CCDC192: variants seen among roughly 807,000 people sequenced by gnomAD.
CCDC192 encodes the protein coiled-coil domain containing 192, also known as coiled-coil domain-containing protein 192.
chr5:127,714,667 G>A (rs1282709386), intron 2 of CCDC192, among the ~76,000 whole-genome samples: 5 of 152,202 alleles, frequency 3.3e-5, no homozygotes, highest in African/African-American at 1.2e-4. Context: ...ACTACGCCTG[G>A]CCAGTAGTTC....
chr5:127,931,222 A>G (rs1754021820), intron 6 of CCDC192, among the ~76,000 whole-genome samples: 1 of 152,128 alleles, frequency 6.6e-6, no homozygotes, highest in Non-Finnish European at 1.5e-5. Context: ...ACCCCTACCC[A>G]TAGGAAGGAA....
intron 5 of CCDC192, among the ~76,000 whole-genome samples, chr5:127,821,870 A>T (rs1453610914): frequency 1.3e-5 from 2 of 152,222 alleles, no homozygotes; most frequent in Non-Finnish European, 2.9e-5. Flanking sequence ...ACATCCAGCC[A>T]ACTATGAATC....
chr5:127,739,262 C>G (rs1423187614), intron 2 of CCDC192, among the ~76,000 whole-genome samples: 1 of 152,098 alleles, frequency 6.6e-6, no homozygotes, highest in East Asian at 1.9e-4. Flanking sequence ...GGTCAGGGAC[C>G]CACTTGAGGA....
At chr5:127,900,134 AC>A (rs1216336950) in intron 6 of CCDC192, among the ~76,000 whole-genome samples, 3 of 152,200 alleles carry the variant, frequency 2.0e-5, no homozygotes, top group African/African-American at 7.2e-5. Flanking sequence ...AGCTTTGCTA[AC>A]CCTAGTATTT....
At chr5:127,868,403 T>C (rs1356015167) in intron 5 of CCDC192, among the ~76,000 whole-genome samples, 1 of 152,236 alleles carries the variant, frequency 6.6e-6, no homozygotes, top group Non-Finnish European at 1.5e-5. Context: ...TTTCTCTGTT[T>C]CTACTTCTCC....
chr5:127,773,099 T>C (rs941595526), intron 3 of CCDC192, among the ~76,000 whole-genome samples: 2 of 152,154 alleles, frequency 1.3e-5, no homozygotes, highest in African/African-American at 4.8e-5. Context: ...GAGAAAAATA[T>C]AGTGCTATTT....
At chr5:127,729,932 A>G (rs1395807115) in intron 2 of CCDC192, among the ~76,000 whole-genome samples, 1 of 152,196 alleles carries the variant, frequency 6.6e-6, no homozygotes, top group Admixed American at 6.5e-5. Context: ...AAAGATCTCA[A>G]ATCGACATCG....
intron 1 of CCDC192, 78 bp downstream of exon 1, chr5:127,703,585 A>G: frequency 2.5e-6 from 1 of 395,500 alleles, no homozygotes; most frequent in Non-Finnish European, 4.5e-6. Flanking sequence ...AGTACTTAAA[A>G]AAAAATCTTT....
rs1223496970 is a variant in CCDC192, at chr5:127,781,576, C to CTTTTTTTTT, written c.223-15519_223-15511dup. Among the ~76,000 whole-genome samples the CTTTTTTTTT allele has an allele frequency of 7.2e-5, 9 of 124,168 alleles. 1 individual carries two copies. The highest frequency in any genetic ancestry group is 5.3e-5 in the Non-Finnish European group (3 of 57,100). 81.5% of individuals were successfully genotyped at this position (124,168 alleles called of 152,430 possible). A position where few individuals can be genotyped will look rare whatever the true frequency, so the allele number is the denominator to read the frequency against. On this transcript the variant is annotated intron_variant, in intron 3 of 6. Transcript: ENST00000514853. ...TGGTTATGTATATTCCTAAGTATTC[C>CTTTTTTTTT]TTTTTTTTTTTTTTTTGCAGCTATG...
intron 2 of CCDC192, among the ~76,000 whole-genome samples, chr5:127,713,374 T>G (rs1201848880): frequency 1.3e-4 from 20 of 152,374 alleles, no homozygotes; most frequent in Non-Finnish European, 2.5e-4. Flanking sequence ...TTTAGTGAAG[T>G]ATTTATTCAA....
At chr5:127,810,313 T>C (rs918607141) in intron 5 of CCDC192, among the ~76,000 whole-genome samples, 2 of 152,184 alleles carry the variant, frequency 1.3e-5, no homozygotes, top group Non-Finnish European at 2.9e-5. Context: ...GCATGTAGGA[T>C]CCAAGGTCAT....
chr5:127,927,318 T>C lies in CCDC192; in HGVS notation c.536-13864T>C, dbSNP rs1179683134. Among the ~76,000 whole-genome samples the C allele has an allele frequency of 2.6e-5, 4 of 152,172 alleles. No homozygotes were observed. The East Asian group carries it at 7.7e-4, about 29-fold the overall frequency. On this transcript the variant is annotated intron_variant, in intron 6 of 6. Coordinates refer to ENST00000514853, the MANE Select transcript of CCDC192 (RefSeq NM_001317938.2). Reference sequence around the variant, plus strand: ...ATTAGTTATTTTTGTTAATCTCTTATTGTGCCTAATTTATAAATTAAACTT... The same window carrying C: ...ATTAGTTATTTTTGTTAATCTCTTACTGTGCCTAATTTATAAATTAAACTT...
At chr5:127,920,779 G>A (rs1036757150) in intron 6 of CCDC192, among the ~76,000 whole-genome samples, 1 of 151,938 alleles carries the variant, frequency 6.6e-6, no homozygotes, top group African/African-American at 2.4e-5. Context: ...AAGGACTGGC[G>A]GCTGGGAGTG....
intron 2 of CCDC192, among the ~76,000 whole-genome samples, chr5:127,728,336 C>T (rs934639924): frequency 6.6e-6 from 1 of 152,196 alleles, no homozygotes; most frequent in Non-Finnish European, 1.5e-5. Flanking sequence ...ATCAGACTAA[C>T]AGAGGACCTC....
chr5:127,814,670 C>T (rs532368535), intron 5 of CCDC192, among the ~76,000 whole-genome samples: 14 of 152,180 alleles, frequency 9.2e-5, no homozygotes, highest in South Asian at 4.2e-4. Context: ...CTGTGTTGCC[C>T]GAGGAATTTA....
rs1283523067 is a variant in CCDC192 at position 127,738,126 on chromosome 5, G to C, written c.115-16142G>C. 3.3e-5 allele frequency among the ~76,000 whole-genome samples: 5 copies of C among 151,700 alleles called. No individual in the cohort carries two copies. The East Asian group carries it at 7.8e-4, about 24-fold the overall frequency. On this transcript the variant is annotated intron_variant, in intron 2 of 6. Transcript: ENST00000514853. ...CAGGAGCTCTTGTAAGGCAGGCCTGGTGGTGACAAAATCTCTCAGCATTTG... is the reference window on the plus strand; with the variant it reads ...CAGGAGCTCTTGTAAGGCAGGCCTGCTGGTGACAAAATCTCTCAGCATTTG...
intron 3 of CCDC192, among the ~76,000 whole-genome samples, chr5:127,792,621 G>A (rs1414839349): frequency 6.6e-6 from 1 of 151,494 alleles, no homozygotes; most frequent in Admixed American, 6.6e-5. Flanking sequence ...TGGGAGGATG[G>A]CTCGAGCCCA....
intron 2 of CCDC192, among the ~76,000 whole-genome samples, chr5:127,729,267 G>C (rs1048183057): frequency 6.6e-6 from 1 of 152,118 alleles, no homozygotes; most frequent in African/African-American, 2.4e-5. Context: ...AGACAAAGAA[G>C]GGCATTACAT....
In CCDC192 at chr5:127,760,166, G is replaced by T. The variant is rs538683247; in HGVS notation, c.222+5791G>T. Among the ~76,000 whole-genome samples, 83 of 151,614 alleles carry T rather than the reference G, an allele frequency of 5.5e-4. 1 individual carries two copies. Among genetic ancestry groups the T allele is most frequent in the Non-Finnish European group, 6.5e-4 (44 of 67,934 alleles). ...TTATAAATTTTATTTTTCAACATAAGCTTCATCAATTTCAAGACACTTTTG... is the reference window on the plus strand; with the variant it reads ...TTATAAATTTTATTTTTCAACATAATCTTCATCAATTTCAAGACACTTTTG... On this transcript the variant is annotated intron_variant, in intron 3 of 6. Transcript: ENST00000514853.
Sources: gnomAD v4.1 joint callset for allele counts (sites outside exome capture counted in the v4.1 genomes callset) on GRCh38, gnomAD v4.1.1 for gene constraint, MANE v1.5 for transcripts, NCBI Gene and HGNC (gene_info 2026-07-23, HGNC 2026-07-21) for gene names.